Variants in SOX6 observed in about 807,000 individuals in gnomAD.
The protein encoded by SOX6 is transcription factor SOX-6.
A neutral mutation model predicts 97.8 loss-of-function variants in SOX6; 11 were observed. The observed-to-expected ratio is 0.11, with a 90% CI of 0.07 to 0.19. The LOEUF is 0.19. Ranked by LOEUF, SOX6 falls within the 10% of genes least tolerant of loss-of-function variation. The pLI, the probability that SOX6 is intolerant of heterozygous loss-of-function variation, is 1.00. For synonymous variants in SOX6, 360 were observed against 371.4 expected, an observed-to-expected ratio of 0.97 and a Z score of 0.35; for missense variants, 810 against 1,039.5, an observed-to-expected ratio of 0.78 and a Z score of 3.04.
At chr11:16,486,511 T>G (rs993513717) in intron 4 of SOX6, among the ~76,000 whole-genome samples, 11 of 152,108 alleles carry the variant, frequency 7.2e-5, no homozygotes, top group African/African-American at 2.4e-4. Context: ...AAAGTCATTA[T>G]CAAAACATAA....
intron 3 of SOX6, among the ~76,000 whole-genome samples, chr11:16,707,587 ATGAGGCAAC>A (rs1240273907): frequency 2.6e-5 from 4 of 152,170 alleles, no homozygotes; most frequent in Non-Finnish European, 4.4e-5. Context: ...TCCTTTATTC[ATGAGGCAAC>A]TGAGTATTGG....
At chr11:16,667,261 G>A (rs1320209192) in intron 3 of SOX6, among the ~76,000 whole-genome samples, 1 of 151,712 alleles carries the variant, frequency 6.6e-6, no homozygotes, top group African/African-American at 2.4e-5. Context: ...AACAAAACAG[G>A]ATAATAACAG....
intron 2 of SOX6, among the ~76,000 whole-genome samples, chr11:16,720,963 C>G (rs1208628193): frequency 6.6e-6 from 1 of 152,102 alleles, no homozygotes; most frequent in African/African-American, 2.4e-5. Flanking sequence ...CAGTGAACCA[C>G]AAAGGGACTA....
chr11:16,294,626 C>T (rs994030322), intron 3 of SOX6, among the ~76,000 whole-genome samples: 2 of 151,994 alleles, frequency 1.3e-5, no homozygotes, highest in Non-Finnish European at 2.9e-5. Context: ...AGTTTTAATG[C>T]TGTTATAATG....
At chr11:16,423,519 T>A (rs933412382) in intron 1 of SOX6, among the ~76,000 whole-genome samples, 2 of 152,150 alleles carry the variant, frequency 1.3e-5, no homozygotes, top group Non-Finnish European at 2.9e-5. Context: ...AAACATCTGA[T>A]GAACAAATGA....
intron 4 of SOX6, among the ~76,000 whole-genome samples, chr11:16,525,445 T>C (rs1240289916): frequency 9.2e-5 from 14 of 151,660 alleles, no homozygotes; most frequent in South Asian, 2.1e-4. Flanking sequence ...AAAGCTGAAA[T>C]TGGATCCCTT....
At chr11:16,049,982 T>C (rs745950377) in intron 10 of SOX6, 44 bp from the exon 11 acceptor site, 2 of 1,600,252 alleles carry the variant, frequency 1.2e-6, no homozygotes, top group Non-Finnish European at 1.7e-6. Flanking sequence ...AAAAGACAAA[T>C]GAAGCACATT....
chr11:16,472,312 A>G (rs1367263856), intron 1 of SOX6, among the ~76,000 whole-genome samples: 1 of 152,260 alleles, frequency 6.6e-6, no homozygotes, highest in Non-Finnish European at 1.5e-5. Context: ...AGGAGGTAAA[A>G]AAGAGACAAA....
chr11:16,415,870 G>A lies in SOX6; in HGVS notation c.-5+60445C>T, dbSNP rs143904424. On this transcript the variant is annotated intron_variant, in intron 1 of 15. Coordinates refer to the SOX6 transcript ENST00000396356. ...GAAAAAAATGCCTCCTGAGTGTATC[G>A]ATTCCTAGATTAAAAGAGTAAAGTT... is the stretch of plus-strand genomic sequence containing the variant. 2.2e-4 allele frequency among the ~76,000 whole-genome samples: 33 copies of A among 152,198 alleles called. 2 individuals carry two copies. The highest frequency in any genetic ancestry group is 6.5e-4 in the African/African-American group (27 of 41,524).
At chr11:16,716,268 G>C (rs1163229918) in intron 2 of SOX6, among the ~76,000 whole-genome samples, 3 of 152,118 alleles carry the variant, frequency 2.0e-5, no homozygotes, top group East Asian at 1.9e-4. Flanking sequence ...TAGTAATCAG[G>C]TGTGGTGGTA....
intron 6 of SOX6, among the ~76,000 whole-genome samples, chr11:16,123,807 C>A (rs919910390): frequency 1.3e-5 from 2 of 151,918 alleles, no homozygotes; most frequent in Non-Finnish European, 2.9e-5. Flanking sequence ...TTATTTAGTG[C>A]CATTTTCATA....
intron 14 of SOX6, among the ~76,000 whole-genome samples, chr11:15,987,370 T>C (rs1016934156): frequency 2.6e-5 from 4 of 152,206 alleles, no homozygotes; most frequent in African/African-American, 4.8e-5. Context: ...TGTTCAAAAG[T>C]TGTGTAGAAG....
At chr11:16,349,698 AAGGAAGGAAGGAAGG>A (rs1332556367) in intron 1 of SOX6, among the ~76,000 whole-genome samples, 47 of 56,970 alleles carry the variant, frequency 8.2e-4, no homozygotes, top group African/African-American at 2.5e-3. Context: ...GGAAGGAAGG[AAGGAAGGAAGGAAGG>A]AAGAAGGAAG....
At chr11:16,245,122 G>A (rs931308497) in intron 3 of SOX6, among the ~76,000 whole-genome samples, 13 of 151,608 alleles carry the variant, frequency 8.6e-5, no homozygotes, top group Admixed American at 5.3e-4. Flanking sequence ...CACACATTTC[G>A]TTAGGTTGGG....
chr11:16,257,497 C>G (rs1853728876), intron 3 of SOX6, among the ~76,000 whole-genome samples: 1 of 151,838 alleles, frequency 6.6e-6, no homozygotes, highest in African/African-American at 2.4e-5. Context: ...AAAAACTGGA[C>G]ATTTATGTGC....
At position 16,197,646 on chromosome 11, in the gene SOX6, G is replaced by A. The variant is rs552476812; in HGVS notation, c.536-10691C>T. Among the ~76,000 whole-genome samples, 4 of 152,060 alleles carry A rather than the reference G, an allele frequency of 2.6e-5. No homozygotes were observed. In the South Asian group the frequency reaches 8.4e-4, roughly 32 times the overall value. On this transcript the variant is annotated intron_variant, in intron 4 of 15. Transcript: ENST00000683767. ...ATGTTGACCTTAATAATGATTCCTG[G>A]GTAAAATAGGTGCTGCCAAATATAT...
chr11:16,452,811 A>G (rs1859743873), intron 1 of SOX6, among the ~76,000 whole-genome samples: 1 of 152,180 alleles, frequency 6.6e-6, no homozygotes, highest in East Asian at 1.9e-4. Context: ...AAGAAAGGGA[A>G]GAAGCCCAGG....
intron 2 of SOX6, among the ~76,000 whole-genome samples, chr11:16,723,814 T>G (rs1848284873): frequency 6.6e-6 from 1 of 151,952 alleles, no homozygotes; most frequent in Non-Finnish European, 1.5e-5. Context: ...GTCCAACCTC[T>G]CGATTTTTCC....
At chr11:16,107,765 C>CTT (rs965953337) in intron 7 of SOX6, among the ~76,000 whole-genome samples, 1 of 151,940 alleles carries the variant, frequency 6.6e-6, no homozygotes, top group Non-Finnish European at 1.5e-5. Flanking sequence ...GAGTTATATA[C>CTT]TTACAAATGG....
Sources: gnomAD v4.1 joint callset for allele counts (sites outside exome capture counted in the v4.1 genomes callset) on GRCh38, gnomAD v4.1.1 for gene constraint, MANE v1.5 for transcripts, NCBI Gene and HGNC (gene_info 2026-07-23, HGNC 2026-07-21) for gene names.